The following SCML4 variants were observed in gnomAD, a reference collection of about 807,000 sequenced individuals.
SCML4 encodes sex comb on midleg-like protein 4.
SCML4 carries 34 observed loss-of-function variants against 41.1 expected under a neutral mutation model. The observed-to-expected ratio is 0.83, with a 90% CI of 0.63 to 1.10. The LOEUF (loss-of-function observed/expected upper bound fraction) is 1.10, where lower values mean the gene tolerates loss of function less well. SCML4 is among the 50% of genes least tolerant of loss of function. The pLI is 0.00. For missense variants in SCML4, 522 were observed against 534.1 expected (o/e 0.98, Z 0.22); for synonymous variants, 214 against 220.9 (o/e 0.97, Z 0.28).
intron 1 of SCML4, among the ~76,000 whole-genome samples, chr6:107,820,269 A>ATGAT (rs1407966593): frequency 1.3e-5 from 2 of 152,290 alleles, no homozygotes; most frequent in Admixed American, 1.3e-4. Flanking sequence ...TTTTGAAGGG[A>ATGAT]TGATCTGCAT....
At chr6:107,706,284 T>C (rs1054878523) in intron 7 of SCML4, among the ~76,000 whole-genome samples, 12 of 152,126 alleles carry the variant, frequency 7.9e-5, no homozygotes, top group African/African-American at 2.9e-4. Context: ...CCTCCTGGAC[T>C]CCCACTGTCT....
upstream of SCML4, among the ~76,000 whole-genome samples, chr6:107,827,653 G>A (rs1401683946): frequency 1.3e-5 from 2 of 152,138 alleles, no homozygotes; most frequent in African/African-American, 2.4e-5. Flanking sequence ...AGGGTGCTTA[G>A]GTTGTGCCAC....
chr6:107,731,669 GT>G (rs1776565428), intron 5 of SCML4, among the ~76,000 whole-genome samples: 1 of 152,240 alleles, frequency 6.6e-6, no homozygotes, highest in East Asian at 1.9e-4. Context: ...CCAGGCAATG[GT>G]CAGTGTCCTG....
chr6:107,804,788 G>T (rs1291207851), intron 1 of SCML4, among the ~76,000 whole-genome samples: 14 of 152,110 alleles, frequency 9.2e-5, no homozygotes, highest in Admixed American at 3.9e-4. Flanking sequence ...ACCAGCCTGG[G>T]CAACATAGTG....
At chr6:107,771,524 A>G (rs1569107) in intron 2 of SCML4, among the ~76,000 whole-genome samples, 146,661 of 152,262 alleles carry the variant, frequency 0.96, 70,853 homozygotes, top group Non-Finnish European at 1. Context: ...CAGAGGATTT[A>G]TTCTCCACCC....
chr6:107,746,968 T>C, intron 3 of SCML4, 79 bp from the exon 4 acceptor site: 1 of 1,235,470 alleles, frequency 8.1e-7, no homozygotes, highest in South Asian at 1.4e-5. Context: ...ACACGGGGGA[T>C]GCCTCAGCCA....
At chr6:107,811,559 G>C (rs1415825624) in intron 1 of SCML4, among the ~76,000 whole-genome samples, 1 of 152,204 alleles carries the variant, frequency 6.6e-6, no homozygotes, top group Non-Finnish European at 1.5e-5. Flanking sequence ...TAAGCTGAGG[G>C]CTGCCCCAAA....
chr6:107,758,612 GA>G (rs757354267), intron 2 of SCML4, among the ~76,000 whole-genome samples: 1 of 152,110 alleles, frequency 6.6e-6, no homozygotes, highest in East Asian at 1.9e-4. Flanking sequence ...CTTATAAGAT[GA>G]AAAAAACTTG....
intron 1 of SCML4, among the ~76,000 whole-genome samples, chr6:107,795,259 T>A (rs1782621240): frequency 6.6e-6 from 1 of 152,356 alleles, no homozygotes; most frequent in South Asian, 2.1e-4. Flanking sequence ...TCTTGCTATA[T>A]CCTTGGGGAA....
At chr6:107,727,661 A>G (rs1776129433) in intron 5 of SCML4, among the ~76,000 whole-genome samples, 1 of 152,236 alleles carries the variant, frequency 6.6e-6, no homozygotes, top group Admixed American at 6.5e-5. Context: ...GCCTCGCTGC[A>G]TCTCTTCCCT....
At chr6:107,815,322 C>G (rs527800209) in intron 1 of SCML4, among the ~76,000 whole-genome samples, 6 of 152,178 alleles carry the variant, frequency 3.9e-5, no homozygotes, top group Non-Finnish European at 7.3e-5. Flanking sequence ...ATGGAGCAGT[C>G]CCACACAATG....
intron 1 of SCML4, among the ~76,000 whole-genome samples, chr6:107,788,229 T>C (rs1261841867): frequency 1.3e-5 from 2 of 152,212 alleles, no homozygotes; most frequent in East Asian, 3.8e-4. Flanking sequence ...TGGCTTTGCA[T>C]TGCAGTGGGC....
chr6:107,757,584 G>A (rs543733441), intron 2 of SCML4, among the ~76,000 whole-genome samples: 5 of 152,282 alleles, frequency 3.3e-5, no homozygotes, highest in Admixed American at 2.6e-4. Flanking sequence ...AATGTCCAGC[G>A]TGGCCACTCG....
At chr6:107,720,504 C>T (rs1011995645) in intron 6 of SCML4, 199 bp downstream of exon 6, 83 of 1,366,054 alleles carry the variant, frequency 6.1e-5, no homozygotes, top group African/African-American at 4.5e-4. Flanking sequence ...CCCTAATACA[C>T]GATTTTCTTT....
chr6:107,826,476 A>G (rs1376274957), upstream of SCML4, among the ~76,000 whole-genome samples: 1 of 152,144 alleles, frequency 6.6e-6, no homozygotes, highest in East Asian at 1.9e-4. Flanking sequence ...ACCAATTTTC[A>G]CTCTAAAATG....
rs113930437 is a variant in SCML4 at position 107,764,375 on chromosome 6, T to G, written c.156+7797A>C. Among the ~76,000 whole-genome samples, 259 of 152,278 alleles carry G rather than the reference T, an allele frequency of 1.7e-3. 1 individual carries two copies. The highest frequency in any genetic ancestry group is 3.2e-3 in the Non-Finnish European group (217 of 68,020). On this transcript the variant is annotated intron_variant, in intron 2 of 7. Transcript: ENST00000369020. ...GGAAAGTAAAATTACCCAAATAAAA[T>G]AGATTGCCTTCATCACAGTGAAAGC...
chr6:107,717,104 C>CCTG (rs1217638292), intron 6 of SCML4, among the ~76,000 whole-genome samples: 2 of 142,148 alleles, frequency 1.4e-5, no homozygotes, highest in Non-Finnish European at 3.0e-5. Context: ...TCGAGACCAT[C>CCTG]CTGGCTAACA....
At chr6:107,777,376 A>C (rs1262826826) in intron 1 of SCML4, among the ~76,000 whole-genome samples, 1 of 152,220 alleles carries the variant, frequency 6.6e-6, no homozygotes, top group East Asian at 1.9e-4. Flanking sequence ...TCGGCCTCCC[A>C]AAGTGCTGGG....
At chr6:107,764,664 A>G (rs1779886407) in intron 2 of SCML4, among the ~76,000 whole-genome samples, 1 of 152,138 alleles carries the variant, frequency 6.6e-6, no homozygotes, top group Non-Finnish European at 1.5e-5. Context: ...AGAGAGAAGG[A>G]AGAAAAAGAA....
Sources: gnomAD v4.1 joint callset for allele counts (sites outside exome capture counted in the v4.1 genomes callset) on GRCh38, gnomAD v4.1.1 for gene constraint, MANE v1.5 for transcripts, NCBI Gene and HGNC (gene_info 2026-07-23, HGNC 2026-07-21) for gene names.